AKAP9: variants seen among roughly 807,000 people sequenced by gnomAD.
The protein encoded by AKAP9 is A-kinase anchor protein 9.
In AKAP9, 311 loss-of-function variants were observed where a neutral mutation model predicts 488.5. The observed-to-expected ratio is 0.64, with a 90% CI of 0.58 to 0.70. The LOEUF is 0.70. Among genes scored for constraint, AKAP9 ranks in the 30% least tolerant of loss-of-function variants. The pLI is 0.00. For missense variants in AKAP9, 4,215 were observed against 4,374.5 expected (o/e 0.96, Z 1.03); for synonymous variants, 1,462 against 1,483.5 (o/e 0.99, Z 0.33).
intron 21 of AKAP9, among the ~76,000 whole-genome samples, chr7:92,047,854 G>C (rs971013909): frequency 1.3e-5 from 2 of 152,122 alleles, no homozygotes; most frequent in Non-Finnish European, 2.9e-5. Flanking sequence ...AGTATCATTG[G>C]TTACATTTAC....
At chr7:92,080,552 C>G (rs1228843477) in intron 31 of AKAP9, among the ~76,000 whole-genome samples, 1 of 151,478 alleles carries the variant, frequency 6.6e-6, no homozygotes, top group South Asian at 2.1e-4. Flanking sequence ...GAGCCAAGAT[C>G]GCGCCACTGC....
rs1584586191 is a variant in AKAP9 at position 92,104,318 on chromosome 7, G to A, written c.11331-1360G>A. 3.3e-5 allele frequency among the ~76,000 whole-genome samples: 5 copies of A among 151,672 alleles called. No homozygotes were observed. In the South Asian group the frequency reaches 1.0e-3, roughly 32 times the overall value. On this transcript the variant is annotated intron_variant, in intron 46 of 49. Coordinates refer to ENST00000356239, the MANE Select transcript of AKAP9 (RefSeq NM_005751.5). The stretch of plus-strand genomic sequence containing the variant: ...CCATTCTCCTGCCTCAGCCTCCTGA[G>A]TAGCTGGGACTACAGGCGCCCACCA...
intron 38 of AKAP9, chr7:92,089,787 T>C (rs564122276): frequency 1.3e-5 from 4 of 298,636 alleles, no homozygotes; most frequent in African/African-American, 8.6e-5. Flanking sequence ...ATTCTTTTTC[T>C]TTATTTTAGA....
intron 3 of AKAP9, among the ~76,000 whole-genome samples, chr7:91,982,265 A>G (rs1796526106): frequency 6.6e-6 from 1 of 152,054 alleles, no homozygotes; most frequent in Admixed American, 6.6e-5. Flanking sequence ...ATAGGTATAC[A>G]TGTTCCATGC....
chr7:92,001,252 A>G lies in AKAP9; in HGVS notation c.1335A>G (p.Ile445Met). 3 of 1,614,016 alleles carry G rather than the reference A, an allele frequency of 1.9e-6. No individual in the cohort carries two copies. The highest frequency in any genetic ancestry group is 2.5e-6 in the Non-Finnish European group (3 of 1,179,922). The change falls in exon 8 of 50, where the codon ATA becomes ATG. Residue 445 changes from isoleucine to methionine, a missense_variant. Transcript: ENST00000356239. ...TGGATGAGATGTATGGGCAGCAGAT[A>G]GTGCAAATGAAACAAGAATTAATAA... is the stretch of plus-strand genomic sequence containing the variant. ...AELDEMYGQQIVQMKQELIRQ... is the reference protein window; with the variant it reads ...AELDEMYGQQMVQMKQELIRQ...
chr7:92,041,855 A>C (rs1032776052), intron 18 of AKAP9, 191 bp from the exon 19 acceptor site: 6 of 561,316 alleles, frequency 1.1e-5, no homozygotes, highest in African/African-American at 9.4e-5. Flanking sequence ...TATAGACTTA[A>C]TTGGCTTTTA....
chr7:92,034,915 G>C (rs1804941573), intron 16 of AKAP9, among the ~76,000 whole-genome samples: 1 of 152,032 alleles, frequency 6.6e-6, no homozygotes, highest in African/African-American at 2.4e-5. Context: ...TAAGGATTCA[G>C]CTTTTTGTTT....
Position 92,088,827 on chromosome 7 carries a change from T to C in AKAP9, c.9214-558T>C, listed in dbSNP as rs549889186. 2.6e-5 allele frequency among the ~76,000 whole-genome samples: 4 copies of C among 152,280 alleles called. No homozygotes were observed. The East Asian group carries it at 5.8e-4, about 22-fold the overall frequency. ...ACTAATGAAATCTGAGTAAGCCCTA[T>C]AGTTTGGTATTGTACTAATACCATT... On this transcript the variant is annotated intron_variant, in intron 37 of 49. Transcript: ENST00000356239.
At position 92,022,830 on chromosome 7, in the gene AKAP9, C is replaced by A; in HGVS notation, c.3969C>A (p.Ser1323Arg). ...ATAACATAGATGTCAATCATAAAAG[C>A]AAGTTATCTTCTCTGCAAGATCTTG... Reference protein sequence around the residue: ...NLEDIDVNHKSKLSSLQDLEK... With the variant: ...NLEDIDVNHKRKLSSLQDLEK... Residue 1323 changes from serine (S) to arginine (R), a missense_variant, in exon 14 of 50, where the codon AGC becomes AGA. Ser to Arg is a moderately radical substitution (Grantham distance 110). Transcript: ENST00000356239. 1 of 1,595,502 alleles carries A rather than the reference C, an allele frequency of 6.3e-7. No individual in the cohort carries two copies. Among genetic ancestry groups the A allele is most frequent in the Non-Finnish European group, 8.6e-7 (1 of 1,165,088 alleles).
intron 3 of AKAP9, 133 bp from the exon 4 acceptor site, chr7:91,992,025 T>C (rs1797819001): frequency 2.7e-6 from 2 of 735,140 alleles, no homozygotes; most frequent in Non-Finnish European, 4.9e-6. Flanking sequence ...TTAATCTCTG[T>C]ATCTGTTTTC....
intron 22 of AKAP9, among the ~76,000 whole-genome samples, chr7:92,059,775 G>T (rs1354975274): frequency 1.3e-5 from 2 of 151,654 alleles, no homozygotes; most frequent in African/African-American, 4.8e-5. Flanking sequence ...CCATGTAGTT[G>T]TATATAAATT....
At chr7:92,087,261 G>A (rs764292542) in intron 37 of AKAP9, among the ~76,000 whole-genome samples, 6 of 152,152 alleles carry the variant, frequency 3.9e-5, no homozygotes, top group Non-Finnish European at 7.4e-5. Flanking sequence ...AGAAGACGAC[G>A]TCAATAGACA....
Position 92,099,617 on chromosome 7 carries a change from A to G in AKAP9, c.10714-70A>G, listed in dbSNP as rs553093295. The G allele has an allele frequency of 9.6e-5, 140 of 1,455,664 alleles. 1 individual carries two copies. The South Asian group carries it at 1.3e-3, about 14-fold the overall frequency. The allele number at this position is 1,455,664 out of a possible 1,614,324, so 90.2% of individuals were successfully genotyped here. On this transcript the variant is annotated intron_variant, in intron 43 of 49. Coordinates refer to ENST00000356239, the MANE Select transcript of AKAP9 (RefSeq NM_005751.5). ...ATGAATTCTGTTGTTCTCGGTGCCTATTCACACTTTATATGCATTATTCAC... is the reference window on the plus strand; with the variant it reads ...ATGAATTCTGTTGTTCTCGGTGCCTGTTCACACTTTATATGCATTATTCAC...
intron 7 of AKAP9, among the ~76,000 whole-genome samples, chr7:92,000,025 G>A (rs1203097481): frequency 6.6e-6 from 1 of 152,226 alleles, no homozygotes; most frequent in East Asian, 1.9e-4. Context: ...ACAGAGGCAA[G>A]TAAGTTACTG....
rs529866798 is a variant in AKAP9 at position 92,101,029 on chromosome 7, C to T, written c.11070C>T (p.Ser3690=). ...ATGACTCTTTACTTCAAACTCTGAGCCCTGATTCTGAACATGTCACTTTAA... is the reference window on the plus strand; with the variant it reads ...ATGACTCTTTACTTCAAACTCTGAGTCCTGATTCTGAACATGTCACTTTAA... The part of the protein sequence containing the change: ...LRNDSLLQTL[S]PDSEHVTLKR... The change falls in exon 45 of 50, where the codon AGC becomes AGT. Residue 3690 remains serine (S), a synonymous_variant. Transcript: ENST00000356239. 1 of 1,613,882 alleles carries T rather than the reference C, an allele frequency of 6.2e-7. No homozygotes were observed. The highest frequency in any genetic ancestry group is 1.3e-5 in the African/African-American group (1 of 75,000).
intron 22 of AKAP9, chr7:92,057,667 G>GT (rs994155983): frequency 4.7e-6 from 1 of 213,440 alleles, no homozygotes; most frequent in Non-Finnish European, 9.5e-6. Flanking sequence ...GAGAAATAAT[G>GT]TTACAACTGC....
In AKAP9 at chr7:92,001,099, A is replaced by C. The variant is rs1032687352; in HGVS notation, c.1182A>C (p.Ile394=). Residue 394 remains isoleucine, a synonymous_variant, in exon 8 of 50, where the codon ATA becomes ATC. Transcript: ENST00000356239. Reference sequence around the variant, plus strand: ...AAGAAAGACAGTCTTCTGAAGAAATAAAACAGTTAATGGGGACAGTCGAAG... The same window carrying C: ...AAGAAAGACAGTCTTCTGAAGAAATCAAACAGTTAATGGGGACAGTCGAAG... The part of the protein sequence containing the change: ...KQKERQSSEE[I]KQLMGTVEEL... 6.2e-7 allele frequency: 1 copy of C among 1,613,946 alleles called. No homozygotes were observed. The highest frequency in any genetic ancestry group is 8.5e-7 in the Non-Finnish European group (1 of 1,179,926).
intron 14 of AKAP9, among the ~76,000 whole-genome samples, chr7:92,029,533 G>A (rs999408383): frequency 6.6e-6 from 1 of 152,148 alleles, no homozygotes; most frequent in Non-Finnish European, 1.5e-5. Flanking sequence ...TGTAATCCCA[G>A]CACATTTGGA....
At position 92,102,900 on chromosome 7, in the gene AKAP9, A is replaced by T. The variant is rs1043049959; in HGVS notation, c.11330+74A>T. On this transcript the variant is annotated intron_variant, in intron 46 of 49. Coordinates refer to ENST00000356239, the MANE Select transcript of AKAP9 (RefSeq NM_005751.5). The stretch of plus-strand genomic sequence containing the variant: ...ATTAGTTATTTTTAATTCTCCCTCT[A>T]TTCTCTGCTGGTTATACTCTATATT... 2.3e-6 allele frequency: 3 copies of T among 1,280,202 alleles called. No individual in the cohort carries two copies. The African/African-American group carries it at 4.4e-5, about 19-fold the overall frequency. 79.3% of individuals were successfully genotyped at this position (1,280,202 alleles called of 1,614,324 possible).
Sources: allele counts gnomAD v4.1 joint callset (sites outside exome capture counted in the v4.1 genomes callset), GRCh38; gene constraint gnomAD v4.1.1; transcripts MANE v1.5; gene names NCBI Gene and HGNC (gene_info 2026-07-23, HGNC 2026-07-21).